Variants in HSPA4 observed in about 807,000 individuals in gnomAD.
HSPA4 encodes the protein heat shock 70 kDa protein 4.
Under a neutral mutation model 106.2 loss-of-function variants are expected in HSPA4, and 25 were observed. The ratio of observed to expected loss-of-function variants is 0.24; its 90% confidence interval spans 0.17 to 0.33. The LOEUF (loss-of-function observed/expected upper bound fraction) is 0.33, where lower values mean the gene tolerates loss of function less well. Among genes scored for constraint, HSPA4 ranks in the 10% least tolerant of loss-of-function variants. The pLI, the probability that HSPA4 is intolerant of heterozygous loss-of-function variation, is 1.00. For synonymous variants in HSPA4, 332 were observed against 333.6 expected, an observed-to-expected ratio of 1.00 and a Z score of 0.05; for missense variants, 841 against 996.0, an observed-to-expected ratio of 0.84 and a Z score of 2.10.
rs775128173 is a variant in HSPA4 at position 133,086,790 on chromosome 5, T to A, written c.917T>A (p.Phe306Tyr). 1 of 1,613,044 alleles carries A rather than the reference T, an allele frequency of 6.2e-7. No individual in the cohort carries two copies. Among genetic ancestry groups the A allele is most frequent in the East Asian group, 2.2e-5 (1 of 44,862 alleles). ...TGTTTTGTTTTTTATAGAGGCAAAT[T>A]TCTGGAGATGTGCAATGATCTCTTA... ...DVSGTMNRGK[F>Y]LEMCNDLLAR... Residue 306 changes from phenylalanine (F) to tyrosine (Y), a missense_variant, in exon 8 of 19, where the codon TTT becomes TAT. Physicochemically the swap from Phe to Tyr is conservative, Grantham distance 22 (BLOSUM62 3). This residue lies in a region of HSPA4 where 347 missense variants were observed against 408.7 expected (regional missense o/e 0.85). Coordinates refer to ENST00000304858, the MANE Select transcript of HSPA4 (RefSeq NM_002154.4).
chr5:133,058,332 G>C (rs1423636971), intron 1 of HSPA4, among the ~76,000 whole-genome samples: 1 of 152,110 alleles, frequency 6.6e-6, no homozygotes, highest in African/African-American at 2.4e-5. Flanking sequence ...AGTGAGCCGT[G>C]ATTGAGTACT....
chr5:133,065,008 C>T lies in HSPA4; in HGVS notation c.136C>T (p.Arg46Cys). The change falls in exon 2 of 19, where the codon CGT (arginine) becomes TGT (cysteine). Residue 46 changes from arginine (R) to cysteine (C), a missense_variant. By Grantham distance (180) the Arg-to-Cys change is radical (BLOSUM62 -3). This residue lies in a region of HSPA4 where 347 missense variants were observed against 408.7 expected (regional missense o/e 0.85). Transcript: ENST00000304858. ...PACISFGPKN[R>C]SIGAAAKSQV... ...TTGCATTTCTTTTGGTCCTAAGAAT[C>T]GTTCAATTGGAGCAGCAGCTAAAAG... 1 of 1,613,932 alleles carries T rather than the reference C, an allele frequency of 6.2e-7. No homozygotes were observed. Among genetic ancestry groups the T allele is most frequent in the Non-Finnish European group, 8.5e-7 (1 of 1,179,908 alleles).
chr5:133,081,084 G>A (rs1765509061), intron 7 of HSPA4, among the ~76,000 whole-genome samples: 1 of 152,010 alleles, frequency 6.6e-6, no homozygotes, highest in South Asian at 2.1e-4. Context: ...GTCTCAGTAG[G>A]TCACCCAGGC....
chr5:133,083,243 C>T (rs774835369), intron 7 of HSPA4, among the ~76,000 whole-genome samples: 7 of 151,182 alleles, frequency 4.6e-5, no homozygotes, highest in African/African-American at 9.7e-5. Context: ...ACCTGGGAGG[C>T]GGAGGTAGCA....
At chr5:133,068,466 G>A (rs1432914683) in intron 3 of HSPA4, among the ~76,000 whole-genome samples, 2 of 152,106 alleles carry the variant, frequency 1.3e-5, no homozygotes, top group Non-Finnish European at 1.5e-5. Flanking sequence ...TTCCAGGCAG[G>A]TGAGATTACG....
At chr5:133,092,606 C>A in intron 12 of HSPA4, 94 bp from the exon 13 acceptor site, 2 of 838,072 alleles carry the variant, frequency 2.4e-6, no homozygotes, top group Non-Finnish European at 2.0e-6. Flanking sequence ...GCTGGTAATT[C>A]AGCAGGAATT....
At chr5:133,092,548 TCCTAGGTAATGTGG>T in intron 12 of HSPA4, 138 bp from the exon 13 acceptor site, 1 of 644,702 alleles carries the variant, frequency 1.6e-6, no homozygotes, top group Non-Finnish European at 2.8e-6. Context: ...AACTTCTGTG[TCCTAGGTAATGTGG>T]CCTACCTGGA....
intron 1 of HSPA4, among the ~76,000 whole-genome samples, chr5:133,060,812 A>G (rs1341903754): frequency 7.2e-6 from 1 of 138,992 alleles, no homozygotes; most frequent in Non-Finnish European, 1.5e-5. Context: ...TAGGTGAAAC[A>G]GGACTTTTTT....
rs899057034 is a variant in HSPA4, at chr5:133,106,217, G to A, written c.*1781G>A. On this transcript the variant is annotated 3_prime_UTR_variant, in exon 19 of 19. Coordinates refer to ENST00000304858, the MANE Select transcript of HSPA4 (RefSeq NM_002154.4). Reference sequence around the variant, plus strand: ...GAATTTCAAGTTGAAACACGATGATGTGGTCTGCTTGCTCTCTGCTTAGAC... The same window carrying A: ...GAATTTCAAGTTGAAACACGATGATATGGTCTGCTTGCTCTCTGCTTAGAC... The A allele has an allele frequency of 1.5e-5, 2 of 134,966 alleles. No individual in the cohort carries two copies. Among genetic ancestry groups the A allele is most frequent in the African/African-American group, 5.5e-5 (2 of 36,204 alleles). 8.4% of individuals were successfully genotyped at this position (134,966 alleles called of 1,614,324 possible).
rs751993573 is a variant in HSPA4, at chr5:133,091,179, T to A, written c.1379-14T>A. Reference sequence around the variant, plus strand: ...CTTAGGTTATGTGTTCTTTTGTCTCTCGTATGTCCCTAGCTCAGTTTTCAG... The same window carrying A: ...CTTAGGTTATGTGTTCTTTTGTCTCACGTATGTCCCTAGCTCAGTTTTCAG... On this transcript the variant is annotated splice_polypyrimidine_tract_variant and intron_variant, in intron 11 of 18. Coordinates refer to ENST00000304858, the MANE Select transcript of HSPA4 (RefSeq NM_002154.4). The A allele has an allele frequency of 6.2e-7, 1 of 1,609,472 alleles. No individual in the cohort carries two copies. Among genetic ancestry groups the A allele is most frequent in the Non-Finnish European group, 8.5e-7 (1 of 1,175,816 alleles).
chr5:133,101,662 C>A, intron 16 of HSPA4, 97 bp from the exon 17 acceptor site: 3 of 1,129,328 alleles, frequency 2.7e-6, no homozygotes, highest in Non-Finnish European at 3.9e-6. Flanking sequence ...TTATATATAG[C>A]ACACGGAGAT....
At chr5:133,052,649 C>CT (rs1765096379) in intron 1 of HSPA4, 2 of 392,584 alleles carry the variant, frequency 5.1e-6, no homozygotes, top group Non-Finnish European at 9.2e-6. Context: ...ACTGGAAGGA[C>CT]TGCAGGCCTA....
chr5:133,090,505 AC>A (rs1439312506), intron 11 of HSPA4, among the ~76,000 whole-genome samples: 1 of 151,820 alleles, frequency 6.6e-6, no homozygotes, highest in African/African-American at 2.4e-5. Flanking sequence ...ATCAAAACAT[AC>A]TAGGTTTCAG....
chr5:133,069,441 G>C (rs62375214), intron 3 of HSPA4, among the ~76,000 whole-genome samples: 11,388 of 151,960 alleles, frequency 0.075, 469 homozygotes, highest in Non-Finnish European at 0.088. Context: ...AGTAGAGATG[G>C]GGTTTCACCA....
chr5:133,055,042 A>G (rs1269221313), intron 1 of HSPA4, among the ~76,000 whole-genome samples: 4 of 152,194 alleles, frequency 2.6e-5, no homozygotes, highest in African/African-American at 7.2e-5. Context: ...CATGAATTCT[A>G]TTTGAAACTG....
At chr5:133,100,956 C>T (rs1201635004) in intron 16 of HSPA4, among the ~76,000 whole-genome samples, 1 of 152,126 alleles carries the variant, frequency 6.6e-6, no homozygotes, top group Non-Finnish European at 1.5e-5. Flanking sequence ...CAGCTGTGCG[C>T]CATCACGCCT....
At chr5:133,087,991 T>G (rs1221851160) in intron 8 of HSPA4, among the ~76,000 whole-genome samples, 1 of 152,214 alleles carries the variant, frequency 6.6e-6, no homozygotes, top group African/African-American at 2.4e-5. Context: ...CTGGATGTGA[T>G]TCTTCTTTTT....
At chr5:133,055,307 ATTTT>A (rs397999293) in intron 1 of HSPA4, among the ~76,000 whole-genome samples, 772 of 59,984 alleles carry the variant, frequency 0.013, 8 homozygotes, top group African/African-American at 0.044. Context: ...AGGAAGGTTG[ATTTT>A]TTTTTTTTTT....
chr5:133,074,858 T>C (rs981276514), intron 6 of HSPA4, among the ~76,000 whole-genome samples: 6 of 152,236 alleles, frequency 3.9e-5, no homozygotes, highest in African/African-American at 1.4e-4. Context: ...CACAGTAGGG[T>C]ATAAAATTCT....
Sources: allele counts gnomAD v4.1 joint callset (sites outside exome capture counted in the v4.1 genomes callset), GRCh38; gene constraint gnomAD v4.1.1; regional missense constraint gnomAD v4.1.1; transcripts MANE v1.5; gene names NCBI Gene and HGNC (gene_info 2026-07-23, HGNC 2026-07-21).